DZANK1: variants seen among roughly 807,000 people sequenced by gnomAD.
DZANK1 encodes double zinc ribbon and ankyrin repeat-containing protein 1.
A neutral mutation model predicts 94.5 loss-of-function variants in DZANK1; 91 were observed. That is an observed-to-expected ratio of 0.96 (90% CI 0.81 to 1.15). DZANK1 has a LOEUF of 1.15. DZANK1 is among the 50% of genes most tolerant of loss of function. The probability of loss-of-function intolerance (pLI) is 0.00; values close to 1 mark genes in which losing one functional copy is unlikely to be tolerated. For synonymous variants in DZANK1, 312 were observed against 325.3 expected, an observed-to-expected ratio of 0.96 and a Z score of 0.44; for missense variants, 903 against 916.4, an observed-to-expected ratio of 0.99 and a Z score of 0.19.
chr20:18,390,315 G>A, intron 18 of DZANK1, 64 bp downstream of exon 18: 1 of 1,479,724 alleles, frequency 6.8e-7, no homozygotes, highest in Non-Finnish European at 9.4e-7. Flanking sequence ...TTCATCTGAA[G>A]GAGACAGAGG....
intron 10 of DZANK1, among the ~76,000 whole-genome samples, chr20:18,419,990 G>A (rs1021200335): frequency 6.6e-6 from 1 of 151,496 alleles, no homozygotes; most frequent in African/African-American, 2.4e-5. Flanking sequence ...CACCTTTCTA[G>A]CCAATTGTAC....
At chr20:18,418,326 G>A (rs1455227413) in intron 10 of DZANK1, among the ~76,000 whole-genome samples, 1 of 152,146 alleles carries the variant, frequency 6.6e-6, no homozygotes, top group Non-Finnish European at 1.5e-5. Flanking sequence ...TGCTGAAGAG[G>A]CAGGGAGCTC....
At chr20:18,403,129 C>G (rs1408077936) in intron 13 of DZANK1, among the ~76,000 whole-genome samples, 3 of 152,206 alleles carry the variant, frequency 2.0e-5, no homozygotes, top group African/African-American at 7.2e-5. Flanking sequence ...TTGCCCTTTG[C>G]ACAGGCTAAG....
chr20:18,443,414 C>A, exon 8 of DZANK1: 3 of 1,531,158 alleles, frequency 2.0e-6, no homozygotes, highest in Non-Finnish European at 2.6e-6. Flanking sequence ...ACATTCTTGA[C>A]AGAAGCGAGC....
chr20:18,460,204 G>A (rs775520303), exon 3 of DZANK1: 2 of 1,585,928 alleles, frequency 1.3e-6, no homozygotes, highest in Non-Finnish European at 1.7e-6. Context: ...CAGAGTAATA[G>A]GTTTTATATA....
intron 8 of DZANK1, among the ~76,000 whole-genome samples, chr20:18,437,328 C>T (rs1277457336): frequency 6.6e-6 from 1 of 152,094 alleles, no homozygotes; most frequent in East Asian, 1.9e-4. Flanking sequence ...CTTGTAATTC[C>T]AGCACTTTGG....
intron 13 of DZANK1, among the ~76,000 whole-genome samples, chr20:18,407,329 A>G (rs2057015235): frequency 6.6e-6 from 1 of 152,236 alleles, no homozygotes; most frequent in Non-Finnish European, 1.5e-5. Context: ...AGTCCAGATA[A>G]TTCTTCTGGA....
At chr20:18,435,298 A>G (rs2058475838) in intron 8 of DZANK1, among the ~76,000 whole-genome samples, 1 of 152,196 alleles carries the variant, frequency 6.6e-6, no homozygotes, top group Non-Finnish European at 1.5e-5. Context: ...AGAGAAAGGA[A>G]AAGCTGCTGC....
At chr20:18,417,656 T>G (rs935583683) in intron 10 of DZANK1, among the ~76,000 whole-genome samples, 1 of 152,178 alleles carries the variant, frequency 6.6e-6, no homozygotes, top group Non-Finnish European at 1.5e-5. Context: ...TTGTTTTTAG[T>G]CTCAGTTCTG....
chr20:18,407,922 C>A (rs1600815359), intron 13 of DZANK1, among the ~76,000 whole-genome samples: 1 of 152,154 alleles, frequency 6.6e-6, no homozygotes. Context: ...ACAAAGCACA[C>A]CTATAAGATC....
intron 7 of DZANK1, among the ~76,000 whole-genome samples, 155 bp downstream of exon 7, chr20:18,448,829 C>T (rs997974235): frequency 7.9e-4 from 117 of 148,616 alleles, no homozygotes; most frequent in Non-Finnish European, 1.3e-3. Flanking sequence ...ACTGCACCAC[C>T]GCACTCCAGC....
intron 14 of DZANK1, 140 bp downstream of exon 14, chr20:18,398,383 C>T (rs1317363696): frequency 9.7e-6 from 7 of 724,004 alleles, no homozygotes; most frequent in African/African-American, 3.5e-5. Flanking sequence ...GCTCACAAGG[C>T]AGAAGAGTAA....
chr20:18,389,675 C>T, intron 19 of DZANK1, 26 bp downstream of exon 19: 1 of 1,612,582 alleles, frequency 6.2e-7, no homozygotes, highest in Non-Finnish European at 8.5e-7. Context: ...GCTACCTTAG[C>T]TCTCCTTTCA....
intron 10 of DZANK1, among the ~76,000 whole-genome samples, chr20:18,423,437 C>A (rs12053589): frequency 0.36 from 55,097 of 152,034 alleles, 10,782 homozygotes; most frequent in Middle Eastern, 0.46. Context: ...AAAAACTAGA[C>A]AAAAATAAGC....
chr20:18,400,467 C>T (rs1465762296), intron 13 of DZANK1, among the ~76,000 whole-genome samples: 1 of 152,158 alleles, frequency 6.6e-6, no homozygotes, highest in Non-Finnish European at 1.5e-5. Flanking sequence ...CAGGGTTGCA[C>T]CTGTGTACGG....
At position 18,388,461 on chromosome 20, in the gene DZANK1, G is replaced by A. The variant is rs551730255; in HGVS notation, c.2018+1240C>T. Among the ~76,000 whole-genome samples the A allele has an allele frequency of 1.6e-4, 25 of 152,292 alleles. No homozygotes were observed. The South Asian group carries it at 5.2e-3, about 32-fold the overall frequency. Reference sequence around the variant, plus strand: ...TTAGCTGGACTCTTCATAAAGCCAGGACTCACGCTGCTTACACTTCAATTC... The same window carrying A: ...TTAGCTGGACTCTTCATAAAGCCAGAACTCACGCTGCTTACACTTCAATTC... On this transcript the variant is annotated intron_variant, in intron 19 of 20. Transcript: ENST00000262547.
intron 19 of DZANK1, among the ~76,000 whole-genome samples, chr20:18,388,119 C>T (rs1164574298): frequency 6.6e-6 from 1 of 152,162 alleles, no homozygotes; most frequent in East Asian, 1.9e-4. Flanking sequence ...CTACTTTCCT[C>T]TACTGGCATG....
intron 9 of DZANK1, among the ~76,000 whole-genome samples, chr20:18,427,911 G>A (rs1453103519): frequency 1.3e-5 from 2 of 152,070 alleles, no homozygotes; most frequent in Non-Finnish European, 2.9e-5. Context: ...AGCACTTTGG[G>A]AGGCTGAGGC....
intron 7 of DZANK1, among the ~76,000 whole-genome samples, chr20:18,446,433 C>T (rs2058884443): frequency 6.6e-6 from 1 of 152,152 alleles, no homozygotes; most frequent in Admixed American, 6.5e-5. Context: ...TAATTAGAAA[C>T]TGTTTGAACT....
Sources: gnomAD v4.1 joint callset for allele counts (sites outside exome capture counted in the v4.1 genomes callset) on GRCh38, gnomAD v4.1.1 for gene constraint, MANE v1.5 for transcripts, NCBI Gene and HGNC (gene_info 2026-07-23, HGNC 2026-07-21) for gene names.